Variants in IAH1 observed in about 807,000 individuals in gnomAD.
IAH1 encodes isoamyl acetate hydrolyzing esterase 1 (putative).
In IAH1, 24 loss-of-function variants were observed where a neutral mutation model predicts 26.7. The ratio of observed to expected loss-of-function variants is 0.90; its 90% CI spans 0.65 to 1.26. The LOEUF is 1.26. Ranked by LOEUF, IAH1 falls within the 50% of genes most tolerant of loss-of-function variation. IAH1 has a pLI of 0.00. For synonymous variants in IAH1, 140 were observed against 118.5 expected (o/e 1.18, Z -1.18); for missense variants, 300 against 299.9 (o/e 1.00, Z 0.00).
chr2:9,498,487 T>C (rs138623097), downstream of IAH1, among the ~76,000 whole-genome samples: 453 of 152,324 alleles, frequency 3.0e-3, 2 homozygotes, highest in African/African-American at 0.011. Flanking sequence ...ATGGACTATA[T>C]ATCCACAGCT....
At chr2:9,480,370 G>A (rs981777528) in intron 3 of IAH1, among the ~76,000 whole-genome samples, 5 of 152,178 alleles carry the variant, frequency 3.3e-5, no homozygotes, top group South Asian at 2.1e-4. Flanking sequence ...GTGGTGTTGC[G>A]TGCCTGTAGT....
At chr2:9,486,986 C>T (rs1175370105) in intron 5 of IAH1, among the ~76,000 whole-genome samples, 1 of 151,990 alleles carries the variant, frequency 6.6e-6, no homozygotes, top group Non-Finnish European at 1.5e-5. Context: ...GATCCCAATA[C>T]TTTGTGAGGC....
chr2:9,482,278 T>G (rs1274573269), intron 4 of IAH1, among the ~76,000 whole-genome samples: 1 of 152,164 alleles, frequency 6.6e-6, no homozygotes, highest in Non-Finnish European at 1.5e-5. Flanking sequence ...TCTGCCCGAC[T>G]CAGCCTCCCA....
chr2:9,488,157 CTTAT>C lies in IAH1; in HGVS notation c.580_583del (p.Leu194GlnfsTer21), dbSNP rs370353854. The C allele has an allele frequency of 6.9e-6, 11 of 1,604,964 alleles. No individual in the cohort carries two copies. The highest frequency in any genetic ancestry group is 2.7e-5 in the African/African-American group (2 of 74,548). ...TTCTCTCCCTTCTAGGACTTCTCAT[CTTAT>C]TTATCAGATGGACTACATTTGTCTC... On this transcript the variant is annotated frameshift_variant, in exon 6 of 6. Transcript: ENST00000497473. LOFTEE classifies it high-confidence loss of function.
At chr2:9,490,221 G>GTTTAAA, downstream of IAH1, 1 of 1,606,314 alleles carries the variant, frequency 6.2e-7, no homozygotes, top group South Asian at 1.1e-5. Flanking sequence ...TGACGCTGCA[G>GTTTAAA]TTTAAAGGAG....
Position 9,481,408 on chromosome 2 carries a change from C to T in IAH1, c.406C>T (p.Leu136Phe). The T allele has an allele frequency of 6.2e-7, 1 of 1,614,194 alleles. No homozygotes were observed. Among genetic ancestry groups the T allele is most frequent in the Non-Finnish European group, 8.5e-7 (1 of 1,180,032 alleles). Residue 136 changes from leucine (L) to phenylalanine (F), a missense_variant, in exon 4 of 6, where the codon CTT becomes TTT. By Grantham distance (22) the Leu-to-Phe change is conservative (BLOSUM62 0). Coordinates refer to ENST00000497473, the MANE Select transcript of IAH1 (RefSeq NM_001039613.3). The stretch of plus-strand genomic sequence containing the variant: ...AGTCATTCTCATCACGCCGACCCCA[C>T]TTTGTGAAACAGCCTGGGAAGAACA... ...NRVILITPTP[L>F]CETAWEEQCI...
intron 5 of IAH1, 74 bp downstream of exon 5, chr2:9,484,624 T>G (rs779884271): frequency 9.8e-7 from 1 of 1,019,566 alleles, no homozygotes; most frequent in Non-Finnish European, 1.5e-6. Context: ...GTGCAGCAGC[T>G]TTCCCTAGAA....
chr2:9,498,944 GA>G (rs1269414428), downstream of IAH1, among the ~76,000 whole-genome samples: 1 of 152,096 alleles, frequency 6.6e-6, no homozygotes, highest in Non-Finnish European at 1.5e-5. Flanking sequence ...AGCATGCATG[GA>G]AATCACCTGA....
the IAH1 span, chr2:9,502,169 G>A: frequency 2.0e-5 from 32 of 1,612,466 alleles, no homozygotes; most frequent in Admixed American, 1.0e-4. Flanking sequence ...ACAAGAACAC[G>A]AACCTGTGCA....
chr2:9,503,142 A>G, the IAH1 span, among the ~76,000 whole-genome samples: 7 of 151,552 alleles, frequency 4.6e-5, no homozygotes, highest in Non-Finnish European at 7.4e-5. Context: ...TCTCTCAAAA[A>G]AAAAAAAAAA....
At chr2:9,501,094 T>TC (rs1261047205), downstream of IAH1, among the ~76,000 whole-genome samples, 2 of 152,024 alleles carry the variant, frequency 1.3e-5, no homozygotes, top group African/African-American at 2.4e-5. Context: ...ACATAAGAAC[T>TC]CCTCCAAATT....
chr2:9,503,027 C>G, the IAH1 span, among the ~76,000 whole-genome samples: 1 of 151,298 alleles, frequency 6.6e-6, no homozygotes, highest in Non-Finnish European at 1.5e-5. Context: ...GTAATCCCAG[C>G]TACTCGGGAG....
chr2:9,475,953 CATT>C (rs774908008), intron 1 of IAH1, 31 bp from the exon 2 acceptor site: 9 of 1,594,878 alleles, frequency 5.6e-6, no homozygotes, highest in Non-Finnish European at 6.9e-6. Context: ...CGGTTACAGT[CATT>C]AGTAGTAATA....
chr2:9,511,399 G>T, the IAH1 span, among the ~76,000 whole-genome samples: 1 of 151,928 alleles, frequency 6.6e-6, no homozygotes, highest in South Asian at 2.1e-4. Flanking sequence ...GCAGTGAGCT[G>T]AGATCATGCC....
rs34525911 is a variant in IAH1, at chr2:9,489,259, A to ATTTTTT, written c.*949_*954dup. On this transcript the variant is annotated 3_prime_UTR_variant, in exon 6 of 6. Coordinates refer to ENST00000497473, the MANE Select transcript of IAH1 (RefSeq NM_001039613.3). ...AATATTCTAGGTTTGTAGATAGTGA[A>ATTTTTT]TTTTTTTTTTTTTTTTTTTTTTTTG... The ATTTTTT allele has an allele frequency of 5.1e-4, 45 of 87,402 alleles. 2 individuals carry two copies. Among genetic ancestry groups the ATTTTTT allele is most frequent in the African/African-American group, 2.5e-3 (39 of 15,532 alleles). 5.4% of individuals were successfully genotyped at this position (87,402 alleles called of 1,614,324 possible).
chr2:9,474,928 C>G lies in IAH1; in HGVS notation c.81+281C>G. The G allele has an allele frequency of 1.2e-6, 1 of 827,132 alleles. No individual in the cohort carries two copies. The highest frequency in any genetic ancestry group is 1.5e-6 in the Non-Finnish European group (1 of 653,084). 51.2% of individuals were successfully genotyped at this position (827,132 alleles called of 1,614,324 possible). ...TGCCCGCCCCGCGCCGCCTCCCACC[C>G]GGGTCGAGATGCGCGGTCTTCCCCT... On this transcript the variant is annotated intron_variant, in intron 1 of 5. Transcript: ENST00000497473. This position sits in a 1 kb window ranked among gnomAD's most constrained non-coding sequence, Gnocchi z 4.3.
chr2:9,477,223 T>C (rs1006165309), intron 2 of IAH1, among the ~76,000 whole-genome samples: 1 of 152,186 alleles, frequency 6.6e-6, no homozygotes, highest in Non-Finnish European at 1.5e-5. Flanking sequence ...CTTGTGCTGC[T>C]TTGGAGCCGC....
At chr2:9,499,110 CTTCTTTTTT>C (rs1558498418), downstream of IAH1, among the ~76,000 whole-genome samples, 4 of 138,662 alleles carry the variant, frequency 2.9e-5, no homozygotes, top group Non-Finnish European at 4.5e-5. Context: ...TTTCTTTCTT[CTTCTTTTTT>C]TTTTTTTTTT....
At chr2:9,494,978 A>C in intron 6 of IAH1, 1 of 433,320 alleles carries the variant, frequency 2.3e-6, no homozygotes, top group East Asian at 3.7e-5. Context: ...CAAGGTTTAA[A>C]AAAAAATGCA....
Sources: allele counts gnomAD v4.1 joint callset (sites outside exome capture counted in the v4.1 genomes callset), GRCh38; gene constraint gnomAD v4.1.1; non-coding constraint Gnocchi (gnomAD v3.1); transcripts MANE v1.5; gene names NCBI Gene and HGNC (gene_info 2026-07-23, HGNC 2026-07-21).